The following CEP112 variants were observed in gnomAD, a reference collection of about 807,000 sequenced individuals.
CEP112 encodes the protein centrosomal protein 112, also known as centrosomal protein of 112 kDa.
CEP112 carries 127 observed loss-of-function variants against 153.0 expected under a neutral mutation model. The observed-to-expected ratio is 0.83, with a 90% CI of 0.72 to 0.96. The LOEUF (loss-of-function observed/expected upper bound fraction) is 0.96. Ranked by LOEUF, CEP112 falls within the 40% of genes least tolerant of loss-of-function variation. The pLI, the probability that CEP112 is intolerant of heterozygous loss-of-function variation, is 0.00. For synonymous variants in CEP112, 358 were observed against 374.4 expected (o/e 0.96, Z 0.51); for missense variants, 1,089 against 1,101.2 (o/e 0.99, Z 0.16).
At chr17:65,933,368 T>C (rs552879615) in intron 18 of CEP112, among the ~76,000 whole-genome samples, 50 of 152,290 alleles carry the variant, frequency 3.3e-4, no homozygotes, top group African/African-American at 1.1e-3. Flanking sequence ...CCAAAGACAG[T>C]TCACGAAGAC....
intron 17 of CEP112, 52 bp from the exon 18 acceptor site, chr17:65,961,650 G>C (rs750052532): frequency 6.7e-7 from 1 of 1,492,862 alleles, no homozygotes; most frequent in Non-Finnish European, 9.1e-7. Context: ...AGCTAGGCCT[G>C]AATGAAAGAA....
At chr17:66,160,773 G>A (rs2071666498) in intron 4 of CEP112, among the ~76,000 whole-genome samples, 1 of 152,100 alleles carries the variant, frequency 6.6e-6, no homozygotes, top group South Asian at 2.1e-4. Context: ...CAGGACATAG[G>A]TATGGGCAAA....
chr17:66,127,259 T>C (rs959163246), intron 6 of CEP112, among the ~76,000 whole-genome samples: 2 of 152,158 alleles, frequency 1.3e-5, no homozygotes, highest in Admixed American at 6.5e-5. Context: ...TGCTAAGTAA[T>C]GTATATCATG....
chr17:66,045,050 T>G (rs2066143001), intron 12 of CEP112, among the ~76,000 whole-genome samples: 1 of 150,394 alleles, frequency 6.6e-6, no homozygotes, highest in Non-Finnish European at 1.5e-5. Flanking sequence ...AAATAATACA[T>G]TTTTTCAAGC....
At chr17:65,840,890 C>T (rs1275068768) in intron 21 of CEP112, among the ~76,000 whole-genome samples, 1 of 151,802 alleles carries the variant, frequency 6.6e-6, no homozygotes, top group Non-Finnish European at 1.5e-5. Context: ...GCCAACAGGG[C>T]ATGTGAAAAA....
At chr17:65,903,487 T>C (rs1040543189) in intron 19 of CEP112, among the ~76,000 whole-genome samples, 1 of 152,180 alleles carries the variant, frequency 6.6e-6, no homozygotes, top group Non-Finnish European at 1.5e-5. Flanking sequence ...AAAACACAAA[T>C]GAAATTTGCT....
chr17:65,904,418 G>A (rs1440680354), intron 19 of CEP112, among the ~76,000 whole-genome samples: 2 of 152,090 alleles, frequency 1.3e-5, no homozygotes, highest in Non-Finnish European at 2.9e-5. Context: ...CCTCTTCAAG[G>A]AGAACTACAA....
chr17:65,757,312 C>A (rs550028855), intron 21 of CEP112, among the ~76,000 whole-genome samples: 14 of 152,222 alleles, frequency 9.2e-5, no homozygotes, highest in African/African-American at 2.9e-4. Context: ...CAAATGATCC[C>A]CCAGGAACAA....
chr17:65,888,392 T>C (rs2059356405), intron 20 of CEP112, among the ~76,000 whole-genome samples: 1 of 152,268 alleles, frequency 6.6e-6, no homozygotes, highest in East Asian at 1.9e-4. Flanking sequence ...CTTTGTCTTG[T>C]TTTTGTATAC....
chr17:66,146,152 CCTT>C (rs1344002536), intron 4 of CEP112, among the ~76,000 whole-genome samples: 2 of 152,016 alleles, frequency 1.3e-5, no homozygotes, highest in East Asian at 3.9e-4. Flanking sequence ...AGCATTCCCT[CCTT>C]CTCTATTTCA....
rs774476638 is a variant in CEP112 at position 66,005,697 on chromosome 17, C to T, written c.1729G>A (p.Ala577Thr). The change falls in exon 17 of 27, where the codon GCT becomes ACT. Residue 577 changes from alanine to threonine, a missense_variant. By Grantham distance (58) the Ala-to-Thr change is moderately conservative. Transcript: ENST00000535342. ...CATTACAATTTTACTCACTTCAAAG[C>T]TTCCTCAAATTTATGAATTTTCTTT... Reference protein sequence around the residue: ...TQKKIHKFEEALKEKEEQLTR... With the variant: ...TQKKIHKFEETLKEKEEQLTR... 20 of 1,609,010 alleles carry T rather than the reference C, an allele frequency of 1.2e-5. No individual in the cohort carries two copies. The highest frequency in any genetic ancestry group is 9.0e-5 in the East Asian group (4 of 44,602).
chr17:65,716,196 G>A (rs372775513), intron 23 of CEP112, among the ~76,000 whole-genome samples: 1 of 151,434 alleles, frequency 6.6e-6, no homozygotes, highest in Non-Finnish European at 1.5e-5. Context: ...TCGCTCTGTC[G>A]CCCAGGCTGG....
intron 17 of CEP112, among the ~76,000 whole-genome samples, chr17:65,974,909 T>C (rs187692894): frequency 5.3e-5 from 8 of 151,756 alleles, no homozygotes; most frequent in African/African-American, 1.7e-4. Flanking sequence ...ATATACCTAA[T>C]AGTCCAGGTC....
rs576451337 is a variant in CEP112, at chr17:66,075,671, G to C, written c.769-5670C>G. ...GTTAAAAAATTAGCAATGGGATCTT[G>C]AATGGGAATCATTATGGTGGATGAG... On this transcript the variant is annotated intron_variant, in intron 8 of 26. Coordinates refer to ENST00000535342, the MANE Select transcript of CEP112 (RefSeq NM_001199165.4). Among the ~76,000 whole-genome samples the C allele has an allele frequency of 2.0e-5, 3 of 152,270 alleles. No individual in the cohort carries two copies. The South Asian group carries it at 6.2e-4, about 31-fold the overall frequency.
intron 16 of CEP112, among the ~76,000 whole-genome samples, chr17:66,010,056 T>C (rs1400851914): frequency 6.6e-6 from 1 of 152,200 alleles, no homozygotes; most frequent in Non-Finnish European, 1.5e-5. Flanking sequence ...TAGGGGAGTA[T>C]GGACATTTTA....
chr17:65,821,540 A>ATATATATAT (rs1568067713), intron 21 of CEP112, among the ~76,000 whole-genome samples: 1 of 33,642 alleles, frequency 3.0e-5, no homozygotes, highest in African/African-American at 1.4e-4. Context: ...ATATATATAT[A>ATATATATAT]TTTTTTTTTT....
chr17:65,820,214 T>TC (rs1474873705), intron 21 of CEP112, among the ~76,000 whole-genome samples: 1 of 152,096 alleles, frequency 6.6e-6, no homozygotes, highest in Non-Finnish European at 1.5e-5. Context: ...CCTCGTGTTA[T>TC]CCCCTTTGAC....
intron 12 of CEP112, among the ~76,000 whole-genome samples, chr17:66,051,663 C>G (rs369182077): frequency 3.3e-5 from 5 of 152,252 alleles, no homozygotes; most frequent in Admixed American, 6.5e-5. Flanking sequence ...GTAACACACT[C>G]TAAGATATAT....
intron 23 of CEP112, among the ~76,000 whole-genome samples, chr17:65,726,980 G>A (rs771826858): frequency 2.6e-5 from 4 of 152,118 alleles, no homozygotes; most frequent in Non-Finnish European, 5.9e-5. Context: ...GTATAGACTT[G>A]CAAGTATATC....
Sources: gnomAD v4.1 joint callset for allele counts (sites outside exome capture counted in the v4.1 genomes callset) on GRCh38, gnomAD v4.1.1 for gene constraint, MANE v1.5 for transcripts, NCBI Gene and HGNC (gene_info 2026-07-23, HGNC 2026-07-21) for gene names.